Variants in NADSYN1 observed in about 807,000 individuals in gnomAD.
NADSYN1 encodes NAD synthetase 1.
NADSYN1 carries 80 observed loss-of-function variants against 99.3 expected under a neutral mutation model. The ratio of observed to expected loss-of-function variants is 0.81; its 90% CI spans 0.67 to 0.97. The LOEUF (loss-of-function observed/expected upper bound fraction) is 0.97. Ranked by LOEUF, NADSYN1 falls within the 50% of genes least tolerant of loss-of-function variation. NADSYN1 has a pLI of 0.00. For missense variants in NADSYN1, 859 were observed against 948.5 expected (o/e 0.91, Z 1.24); for synonymous variants, 385 against 372.1 (o/e 1.03, Z -0.40).
intron 20 of NADSYN1, 113 bp from the exon 21 acceptor site, chr11:71,501,189 A>C: frequency 1.4e-5 from 14 of 976,672 alleles, no homozygotes; most frequent in Non-Finnish European, 2.0e-5. Context: ...GGACTCTGGT[A>C]ATTTACTTTT....
chr11:71,454,686 A>C (rs1332942005), intron 1 of NADSYN1, among the ~76,000 whole-genome samples: 3 of 152,316 alleles, frequency 2.0e-5, no homozygotes, highest in African/African-American at 7.2e-5. Context: ...GGTGCCTGAC[A>C]GTGGCACCAC....
intron 9 of NADSYN1, chr11:71,476,649 G>A (rs779929712): frequency 1.1e-5 from 11 of 985,920 alleles, no homozygotes; most frequent in Non-Finnish European, 1.3e-5. Context: ...ATCATTAACC[G>A]CGACAGAGCT....
Position 71,480,825 on chromosome 11 carries a change from C to T in NADSYN1, c.944C>T (p.Ala315Val), listed in dbSNP as rs199608027. The T allele has an allele frequency of 5.0e-6, 8 of 1,614,210 alleles. No homozygotes were observed. The highest frequency in any genetic ancestry group is 6.8e-6 in the Non-Finnish European group (8 of 1,180,032). Reference sequence around the variant, plus strand: ...CTCTCGTGCCACGAGGACTTGCTGGCACCCATCTCTGAGCCCATCGAGTGG... The same window carrying T: ...CTCTCGTGCCACGAGGACTTGCTGGTACCCATCTCTGAGCCCATCGAGTGG... ...FALSCHEDLL[A>V]PISEPIEWKY... Residue 315 changes from alanine to valine, a missense_variant, in exon 11 of 21, where the codon GCA becomes GTA. Ala to Val is a moderately conservative substitution (Grantham distance 64). Transcript: ENST00000319023.
intron 8 of NADSYN1, among the ~76,000 whole-genome samples, chr11:71,474,045 G>A (rs1296958334): frequency 1.3e-5 from 2 of 152,228 alleles, no homozygotes; most frequent in Non-Finnish European, 1.5e-5. Context: ...CATCCTTCAC[G>A]GGGCAGATGT....
Position 71,483,024 on chromosome 11 carries a change from T to G in NADSYN1, c.1319+7T>G. ...TGGCCCAGCAGATTGGAAGGTAGAGTTGGTCCCTGGTATTGGGCATGGCAG... is the reference window on the plus strand; with the variant it reads ...TGGCCCAGCAGATTGGAAGGTAGAGGTGGTCCCTGGTATTGGGCATGGCAG... On this transcript the variant is annotated splice_region_variant and intron_variant, in intron 14 of 20. Coordinates refer to ENST00000319023, the MANE Select transcript of NADSYN1 (RefSeq NM_018161.5). The G allele has an allele frequency of 6.2e-7, 1 of 1,611,338 alleles. No homozygotes were observed. The highest frequency in any genetic ancestry group is 8.5e-7 in the Non-Finnish European group (1 of 1,179,418).
At chr11:71,468,153 C>T (rs532029113) in intron 5 of NADSYN1, among the ~76,000 whole-genome samples, 2 of 152,322 alleles carry the variant, frequency 1.3e-5, no homozygotes, top group Non-Finnish European at 2.9e-5. Flanking sequence ...AAGACATTTT[C>T]ACACAAGCAA....
chr11:71,481,180 C>T (rs1227589928), intron 11 of NADSYN1, 176 bp from the exon 12 acceptor site: 1 of 713,446 alleles, frequency 1.4e-6, no homozygotes, highest in Non-Finnish European at 2.4e-6. Context: ...CGTCCTGGGT[C>T]TGTCTTCAGA....
rs539224382 is a variant in NADSYN1, at chr11:71,477,016, C to T, written c.799-1379C>T. On this transcript the variant is annotated intron_variant, in intron 9 of 20. Transcript: ENST00000319023. Reference sequence around the variant, plus strand: ...CCGCGCTGTCCTCAGGCTCGGGCCACTGCCCTCCACCAGGTCCTCCGTGGT... The same window carrying T: ...CCGCGCTGTCCTCAGGCTCGGGCCATTGCCCTCCACCAGGTCCTCCGTGGT... 1.8e-5 allele frequency: 19 copies of T among 1,062,566 alleles called. No homozygotes were observed. In the South Asian group the frequency reaches 5.1e-4, roughly 28 times the overall value. The allele number at this position is 1,062,566 out of a possible 1,614,324, so 65.8% of individuals were successfully genotyped here.
intron 15 of NADSYN1, chr11:71,484,727 G>C: frequency 2.4e-6 from 1 of 423,070 alleles, no homozygotes. Flanking sequence ...GTGCGTGCTC[G>C]AGTGTGTGCA....
intron 1 of NADSYN1, among the ~76,000 whole-genome samples, chr11:71,454,525 A>AT (rs1949500547): frequency 6.6e-6 from 1 of 152,114 alleles, no homozygotes; most frequent in African/African-American, 2.4e-5. Flanking sequence ...TTTTATTTTT[A>AT]TTTTTTAAAT....
intron 5 of NADSYN1, among the ~76,000 whole-genome samples, chr11:71,471,898 T>C (rs1293178519): frequency 2.0e-5 from 3 of 152,136 alleles, no homozygotes. Context: ...TAACAGCCTA[T>C]TGGAAGTCAA....
At chr11:71,487,572 C>T (rs2120495277) in intron 16 of NADSYN1, among the ~76,000 whole-genome samples, 1 of 152,176 alleles carries the variant, frequency 6.6e-6, no homozygotes, top group Admixed American at 6.5e-5. Flanking sequence ...TGGCTCACGT[C>T]TGTAATCCCA....
Position 71,455,191 on chromosome 11 carries a change from C to A in NADSYN1, c.146+21C>A. 1.9e-6 allele frequency: 3 copies of A among 1,604,708 alleles called. 1 individual carries two copies. The South Asian group carries it at 3.3e-5, about 18-fold the overall frequency. On this transcript the variant is annotated intron_variant, in intron 2 of 20. Transcript: ENST00000319023. The stretch of plus-strand genomic sequence containing the variant: ...ATATGGTGAGAACAGACACAGACAC[C>A]CTGGGGTCGTCAGCTAGCGATACCA...
At chr11:71,468,006 G>A (rs1178385821) in intron 5 of NADSYN1, among the ~76,000 whole-genome samples, 1 of 152,232 alleles carries the variant, frequency 6.6e-6, no homozygotes, top group Admixed American at 6.5e-5. Flanking sequence ...AGATTCAGCA[G>A]CTAGAGCAAC....
intron 16 of NADSYN1, 148 bp from the exon 17 acceptor site, chr11:71,490,697 G>A: frequency 8.6e-7 from 1 of 1,169,532 alleles, no homozygotes; most frequent in Non-Finnish European, 1.2e-6. Context: ...TGCCACCTTT[G>A]CGGGTTGCTC....
chr11:71,462,872 C>G (rs1050841029), intron 3 of NADSYN1, among the ~76,000 whole-genome samples: 14 of 152,158 alleles, frequency 9.2e-5, no homozygotes, highest in Non-Finnish European at 1.9e-4. Flanking sequence ...CACTCTGGTC[C>G]CCACTCGAGT....
At position 71,490,930 on chromosome 11, in the gene NADSYN1, T is replaced by G. The variant is rs773879673; in HGVS notation, c.1648T>G (p.Phe550Val). The change falls in exon 17 of 21, where the codon TTC becomes GTC. Residue 550 changes from phenylalanine to valine, a missense_variant. Phe to Val is a conservative substitution (Grantham distance 50). Coordinates refer to ENST00000319023, the MANE Select transcript of NADSYN1 (RefSeq NM_018161.5). ...GATCAGCAAGACGGACCTCAGGGCC[T>G]TCGTCCAGTTCTGCATCCAGCGCTT... ...GGISKTDLRA[F>V]VQFCIQRFQL... 9 of 1,614,090 alleles carry G rather than the reference T, an allele frequency of 5.6e-6. No homozygotes were observed. The highest frequency in any genetic ancestry group is 6.8e-6 in the Non-Finnish European group (8 of 1,180,028).
At chr11:71,460,378 TCTCA>T (rs1459875933) in intron 3 of NADSYN1, among the ~76,000 whole-genome samples, 2 of 152,230 alleles carry the variant, frequency 1.3e-5, no homozygotes, top group Non-Finnish European at 2.9e-5. Flanking sequence ...TGAGACAGAT[TCTCA>T]CTCTGTTGTC....
chr11:71,466,988 G>C (rs181557985), intron 5 of NADSYN1, among the ~76,000 whole-genome samples: 1 of 152,242 alleles, frequency 6.6e-6, no homozygotes, highest in East Asian at 1.9e-4. Flanking sequence ...GGGTGGGCAG[G>C]AGATCCAATA....
Sources: gnomAD v4.1 joint callset for allele counts (sites outside exome capture counted in the v4.1 genomes callset) on GRCh38, gnomAD v4.1.1 for gene constraint, MANE v1.5 for transcripts, NCBI Gene and HGNC (gene_info 2026-07-23, HGNC 2026-07-21) for gene names.